Variants in BDP1 observed in about 807,000 individuals in gnomAD.
BDP1 encodes transcription factor TFIIIB component B'' homolog.
Under a neutral mutation model 266.6 loss-of-function variants are expected in BDP1, and 169 were observed. That is an observed-to-expected ratio of 0.63 (90% CI 0.56 to 0.72). BDP1 has a LOEUF of 0.72. BDP1 is among the 30% of genes least tolerant of loss of function. The pLI is 0.00. For synonymous variants in BDP1, 1,090 were observed against 1,022.4 expected, an observed-to-expected ratio of 1.07 and a Z score of -1.26; for missense variants, 3,015 against 3,053.8, an observed-to-expected ratio of 0.99 and a Z score of 0.30.
Position 71,513,427 on chromosome 5 carries a change from A to G in BDP1, c.4470+20A>G, listed in dbSNP as rs776401338. ...CAACATGTGAGTGTATTTGAGATGGAAGTTCTGTGTGGGTGTTTTTTTTTT... is the reference window on the plus strand; with the variant it reads ...CAACATGTGAGTGTATTTGAGATGGGAGTTCTGTGTGGGTGTTTTTTTTTT... On this transcript the variant is annotated intron_variant, in intron 19 of 38. Coordinates refer to ENST00000358731, the MANE Select transcript of BDP1 (RefSeq NM_018429.3). 9 of 1,422,938 alleles carry G rather than the reference A, an allele frequency of 6.3e-6. No individual in the cohort carries two copies. Among genetic ancestry groups the G allele is most frequent in the Non-Finnish European group, 1.9e-6 (2 of 1,047,810 alleles). 88.1% of individuals were successfully genotyped at this position (1,422,938 alleles called of 1,614,324 possible).
chr5:71,456,126 C>T, intron 1 of BDP1, 37 bp downstream of exon 1: 1 of 1,579,058 alleles, frequency 6.3e-7, no homozygotes, highest in South Asian at 1.1e-5. Flanking sequence ...TCATTTGTCC[C>T]GCCTCTCCGG....
intron 2 of BDP1, among the ~76,000 whole-genome samples, chr5:71,459,404 G>A: frequency 6.6e-6 from 1 of 152,082 alleles, no homozygotes; most frequent in South Asian, 2.1e-4. Flanking sequence ...CCCAACTACT[G>A]GGGAGGCTGA....
At chr5:71,495,521 ATAG>A (rs1299168891) in intron 12 of BDP1, 113 bp downstream of exon 12, 19 of 586,816 alleles carry the variant, frequency 3.2e-5, no homozygotes, top group East Asian at 1.2e-4. Context: ...TACTTTATTA[ATAG>A]TAGAGGGAAT....
rs780602319 is a variant in BDP1, at chr5:71,504,594, C to T, written c.2242-27C>T. The T allele has an allele frequency of 1.1e-5, 17 of 1,589,552 alleles. No individual in the cohort carries two copies. The African/African-American group carries it at 1.4e-4, about 13-fold the overall frequency. ...TTATGCCTCATTGTGAAACCTAAAA[C>T]ATTAGAAAAATTTGTTTGTTTTTAA... On this transcript the variant is annotated intron_variant, in intron 15 of 38. Transcript: ENST00000358731.
chr5:71,514,966 C>T lies in BDP1; in HGVS notation c.4493C>T (p.Ser1498Leu), dbSNP rs770522144. ...TAGGATGAAGCTTCCCTAATGATAT[C>T]AAGAGAAAAAGACACATTAGGTCAC... The part of the protein sequence containing the change: ...SQHDEASLMI[S>L]REKDTLGHRN... The change falls in exon 20 of 39, where the codon TCA becomes TTA. Residue 1498 changes from serine to leucine, a missense_variant. This residue lies in a region of BDP1 where 2,383 missense variants were observed against 2,404.9 expected (regional missense o/e 0.99). Coordinates refer to ENST00000358731, the MANE Select transcript of BDP1 (RefSeq NM_018429.3). 78 of 1,605,366 alleles carry T rather than the reference C, an allele frequency of 4.9e-5. No homozygotes were observed. In the East Asian group the frequency reaches 1.8e-3, roughly 36 times the overall value.
At chr5:71,471,995 A>C (rs1332384193) in intron 7 of BDP1, among the ~76,000 whole-genome samples, 1 of 152,252 alleles carries the variant, frequency 6.6e-6, no homozygotes, top group Non-Finnish European at 1.5e-5. Flanking sequence ...ATAAAAGAAC[A>C]AAATGTTAAA....
chr5:71,544,904 A>AAAAAG lies in BDP1; in HGVS notation c.6564-133_6564-132insAAGAA, dbSNP rs375850328. 0.025 allele frequency: 10,956 copies of AAAAAG among 440,186 alleles called. 1,100 individuals are homozygous for AAAAAG. Among genetic ancestry groups the AAAAAG allele is most frequent in the Middle Eastern group, 0.032 (48 of 1,494 alleles). 27.3% of individuals were successfully genotyped at this position (440,186 alleles called of 1,614,324 possible). On this transcript the variant is annotated intron_variant, in intron 31 of 38. Transcript: ENST00000358731. ...CAAAAAAAAAAAAAAAAAAAAAAAA[A>AAAAAG]AAGTCCTATTGCATTAAATATGTTT...
At chr5:71,518,587 A>G (rs1291251384) in intron 22 of BDP1, among the ~76,000 whole-genome samples, 4 of 152,036 alleles carry the variant, frequency 2.6e-5, no homozygotes, top group Non-Finnish European at 5.9e-5. Context: ...AGTAGCTGGG[A>G]CCACAGGTGC....
At chr5:71,502,479 A>T in intron 14 of BDP1, 120 bp from the exon 15 acceptor site, 1 of 951,480 alleles carries the variant, frequency 1.1e-6, no homozygotes, top group South Asian at 2.0e-5. Context: ...CGGGCGGATT[A>T]TGTCTTTTCA....
intron 9 of BDP1, among the ~76,000 whole-genome samples, chr5:71,487,755 C>T (rs142538287): frequency 1.5e-3 from 222 of 152,282 alleles, no homozygotes; most frequent in African/African-American, 5.0e-3. Context: ...ACAAAAATTT[C>T]GGATTTTCAA....
rs763548196 is a variant in BDP1, at chr5:71,512,387, A to T, written c.4206A>T (p.Gln1402His). The change falls in exon 18 of 39, where the codon CAA becomes CAT. Residue 1402 changes from glutamine (Q) to histidine (H), a missense_variant. Coordinates refer to ENST00000358731, the MANE Select transcript of BDP1 (RefSeq NM_018429.3). ...ESDKTEVQGIQSPDVPEQFSD... is the reference protein window; with the variant it reads ...ESDKTEVQGIHSPDVPEQFSD... ...ATAAAACAGAAGTCCAGGGGATTCA[A>T]TCTCCAGATGTTCCAGAGCAGTTTT... 6.3e-7 allele frequency: 1 copy of T among 1,584,518 alleles called. No homozygotes were observed. The highest frequency in any genetic ancestry group is 1.4e-5 in the African/African-American group (1 of 73,142).
Position 71,564,731 on chromosome 5 carries a change from CTTTATT to C in BDP1, c.7744-16_7744-11del, listed in dbSNP as rs1283160701. 6.4e-7 allele frequency: 1 copy of C among 1,573,326 alleles called. No individual in the cohort carries two copies. Among genetic ancestry groups the C allele is most frequent in the African/African-American group, 1.4e-5 (1 of 73,014 alleles). ...ATGTTGTATTACAGTTTTATTTTTA[CTTTATT>C]TTTATTACCTTTTTAGGTTTCTTGT... is the stretch of plus-strand genomic sequence containing the variant. On this transcript the variant is annotated splice_polypyrimidine_tract_variant and intron_variant, in intron 38 of 38. Coordinates refer to ENST00000358731, the MANE Select transcript of BDP1 (RefSeq NM_018429.3).
At chr5:71,533,337 G>C (rs933891691) in intron 26 of BDP1, among the ~76,000 whole-genome samples, 2 of 152,048 alleles carry the variant, frequency 1.3e-5, no homozygotes, top group African/African-American at 4.8e-5. Flanking sequence ...TGTTTCATCA[G>C]TTGAGGAACT....
At chr5:71,518,797 G>T (rs1224035437) in intron 22 of BDP1, among the ~76,000 whole-genome samples, 1 of 150,586 alleles carries the variant, frequency 6.6e-6, no homozygotes, top group Admixed American at 6.6e-5. Context: ...TCATTTAGAC[G>T]AGTTTCTAAT....
intron 7 of BDP1, among the ~76,000 whole-genome samples, chr5:71,480,004 G>A (rs928453729): frequency 6.6e-6 from 1 of 151,816 alleles, no homozygotes; most frequent in Non-Finnish European, 1.5e-5. Flanking sequence ...GAGTATAGTG[G>A]CGTGATCTTG....
At chr5:71,530,021 T>C (rs1036220867) in intron 25 of BDP1, among the ~76,000 whole-genome samples, 1 of 152,252 alleles carries the variant, frequency 6.6e-6, no homozygotes, top group Admixed American at 6.5e-5. Context: ...TATCCCAAAA[T>C]ACATTGAATT....
chr5:71,495,068 A>G (rs928647773), intron 11 of BDP1, 182 bp from the exon 12 acceptor site: 3 of 384,598 alleles, frequency 7.8e-6, no homozygotes, highest in East Asian at 3.9e-5. Flanking sequence ...CTGGAGGTAC[A>G]GTTTTTATAA....
chr5:71,490,426 C>G (rs964151256), intron 10 of BDP1, among the ~76,000 whole-genome samples: 1 of 152,096 alleles, frequency 6.6e-6, no homozygotes, highest in African/African-American at 2.4e-5. Flanking sequence ...TGATTCACAA[C>G]CAGGTTTTAG....
chr5:71,488,369 C>T (rs1580052243), intron 9 of BDP1, among the ~76,000 whole-genome samples: 1 of 151,874 alleles, frequency 6.6e-6, no homozygotes, highest in East Asian at 1.9e-4. Context: ...CTCAAATGAT[C>T]GCCCACCTTG....
Sources: gnomAD v4.1 joint callset for allele counts (sites outside exome capture counted in the v4.1 genomes callset) on GRCh38, gnomAD v4.1.1 for gene constraint, gnomAD v4.1.1 regional missense constraint, MANE v1.5 for transcripts, NCBI Gene and HGNC (gene_info 2026-07-23, HGNC 2026-07-21) for gene names.